Variants in ZNF143 observed in about 807,000 individuals in gnomAD.
The protein encoded by ZNF143 is zinc finger protein 143, also known as SPH-binding factor.
ZNF143 carries 49 observed loss-of-function variants against 74.1 expected under a neutral mutation model. That is an observed-to-expected ratio of 0.66 (90% CI 0.53 to 0.84). The LOEUF (loss-of-function observed/expected upper bound fraction) is 0.84, where lower values mean the gene tolerates loss of function less well. Among genes scored for constraint, ZNF143 ranks in the 40% least tolerant of loss-of-function variants. The pLI, the probability that ZNF143 is intolerant of heterozygous loss-of-function variation, is 0.00. For missense variants in ZNF143, 637 were observed against 793.4 expected, an observed-to-expected ratio of 0.80 and a Z score of 2.37; for synonymous variants, 304 against 282.8, an observed-to-expected ratio of 1.07 and a Z score of -0.75.
chr11:9,512,358 T>C (rs1848579625), intron 12 of ZNF143, 90 bp from the exon 13 acceptor site: 3 of 1,469,608 alleles, frequency 2.0e-6, no homozygotes, highest in African/African-American at 2.9e-5. Context: ...ACATTTTAAT[T>C]ATGTAATTTT....
chr11:9,504,863 C>T (rs12293911), intron 11 of ZNF143, among the ~76,000 whole-genome samples: 24,792 of 116,548 alleles, frequency 0.21, 6,729 homozygotes, highest in African/African-American at 0.39. Context: ...TTAATAGAGA[C>T]GGGATTTCAC....
At chr11:9,496,757 C>G (rs116946463) in intron 9 of ZNF143, among the ~76,000 whole-genome samples, 1 of 151,768 alleles carries the variant, frequency 6.6e-6, no homozygotes, top group South Asian at 2.1e-4. Context: ...TCATCATGCC[C>G]GGCTCATATT....
At chr11:9,476,594 A>AC (rs1383197332) in intron 5 of ZNF143, among the ~76,000 whole-genome samples, 1 of 150,404 alleles carries the variant, frequency 6.6e-6, no homozygotes, top group African/African-American at 2.4e-5. Context: ...CTGGTCTCAA[A>AC]CTCCTGACCT....
chr11:9,482,715 C>A (rs542535819), intron 7 of ZNF143, among the ~76,000 whole-genome samples: 16 of 149,372 alleles, frequency 1.1e-4, no homozygotes, highest in Non-Finnish European at 1.9e-4. Flanking sequence ...CTCTTCCTTA[C>A]AGACTAGATC....
chr11:9,494,191 G>T (rs111977065), intron 7 of ZNF143, among the ~76,000 whole-genome samples: 8 of 152,238 alleles, frequency 5.3e-5, no homozygotes, highest in African/African-American at 1.9e-4. Flanking sequence ...TAACCTGACC[G>T]ACTCAGGCTG....
chr11:9,473,781 A>C, intron 3 of ZNF143, 160 bp from the exon 4 acceptor site: 2 of 1,544,212 alleles, frequency 1.3e-6, no homozygotes, highest in South Asian at 2.3e-5. Context: ...CTGTAGGATC[A>C]CTGGATGTGT....
chr11:9,486,071 G>A (rs1319226709), intron 7 of ZNF143, among the ~76,000 whole-genome samples: 2 of 150,668 alleles, frequency 1.3e-5, no homozygotes, highest in East Asian at 3.9e-4. Flanking sequence ...TTGACCATGG[G>A]CAAGTTACAT....
At chr11:9,498,740 A>C (rs72854108) in intron 10 of ZNF143, among the ~76,000 whole-genome samples, 2,863 of 152,322 alleles carry the variant, frequency 0.019, 38 homozygotes, top group Non-Finnish European at 0.029. Flanking sequence ...ATACAGCATT[A>C]AGATAATTTA....
At chr11:9,518,769 G>T (rs1431748173) in intron 14 of ZNF143, among the ~76,000 whole-genome samples, 1 of 150,758 alleles carries the variant, frequency 6.6e-6, no homozygotes, top group African/African-American at 2.4e-5. Flanking sequence ...ACAAATTTTT[G>T]TATTAACGGT....
At chr11:9,490,931 C>A (rs1399964558) in intron 7 of ZNF143, among the ~76,000 whole-genome samples, 1 of 152,198 alleles carries the variant, frequency 6.6e-6, no homozygotes, top group Admixed American at 6.5e-5. Context: ...GGGGTTCCCC[C>A]CATGTTTCCC....
chr11:9,483,140 T>G (rs1050874762), intron 7 of ZNF143, among the ~76,000 whole-genome samples: 1 of 150,188 alleles, frequency 6.7e-6, no homozygotes, highest in Non-Finnish European at 1.5e-5. Flanking sequence ...ATTACAGGCA[T>G]GCACCACCAC....
At chr11:9,486,437 A>T (rs1265480844) in intron 7 of ZNF143, among the ~76,000 whole-genome samples, 1 of 45,502 alleles carries the variant, frequency 2.2e-5, no homozygotes. Context: ...TATTATATAT[A>T]TAATATATTA....
intron 15 of ZNF143, among the ~76,000 whole-genome samples, chr11:9,525,810 C>CT (rs1849105472): frequency 6.6e-6 from 1 of 152,190 alleles, no homozygotes; most frequent in African/African-American, 2.4e-5. Flanking sequence ...TGTCAGAAGA[C>CT]TTAGAAGGAA....
At chr11:9,521,175 A>T (rs1196372137) in intron 14 of ZNF143, among the ~76,000 whole-genome samples, 2 of 152,332 alleles carry the variant, frequency 1.3e-5, no homozygotes, top group East Asian at 3.9e-4. Context: ...CATCATTTAC[A>T]TCAGGATTCA....
In ZNF143 at chr11:9,475,910, A is replaced by ATATGTGTGTG. The variant is rs370474107; in HGVS notation, c.373+1278_373+1279insATGTGTGTGT. On this transcript the variant is annotated intron_variant, in intron 5 of 15. Transcript: ENST00000396602. ...GAGACCCTGTCTCAAAAAAATATATATGTGTGTGTGTGTGTGTGTGTGTGT... is the reference window on the plus strand; with the variant it reads ...GAGACCCTGTCTCAAAAAAATATATATATGTGTGTGTGTGTGTGTGTGTGTGTGTGTGTGT... 6.2e-3 allele frequency among the ~76,000 whole-genome samples: 855 copies of ATATGTGTGTG among 137,330 alleles called. 11 individuals are homozygous for ATATGTGTGTG. The highest frequency in any genetic ancestry group is 0.022 in the African/African-American group (797 of 36,224). 90.1% of individuals were successfully genotyped at this position (137,330 alleles called of 152,430 possible).
intron 5 of ZNF143, among the ~76,000 whole-genome samples, chr11:9,476,571 C>T (rs1453081405): frequency 1.3e-5 from 2 of 151,410 alleles, no homozygotes; most frequent in Admixed American, 6.6e-5. Context: ...GGGGTTTCAC[C>T]ATGTTGGTCA....
At position 9,483,445 on chromosome 11, in the gene ZNF143, T is replaced by C. The variant is rs560720644; in HGVS notation, c.645+3899T>C. Among the ~76,000 whole-genome samples the C allele has an allele frequency of 4.0e-5, 6 of 149,886 alleles. 1 individual carries two copies. Among genetic ancestry groups the C allele is most frequent in the African/African-American group, 1.3e-4 (5 of 39,908 alleles). ...CCGAGTAGCTGAGACTGCAGGCACA[T>C]GCCACCGTGCCTGTCTAATTTTTTG... On this transcript the variant is annotated intron_variant, in intron 7 of 15. Transcript: ENST00000396602.
chr11:9,497,109 G>A (rs1344016192), intron 9 of ZNF143, among the ~76,000 whole-genome samples: 1 of 152,190 alleles, frequency 6.6e-6, no homozygotes, highest in Non-Finnish European at 1.5e-5. Flanking sequence ...TTGAGCTCTT[G>A]GGGTATGAGA....
chr11:9,519,723 T>G (rs1848844744), intron 14 of ZNF143, among the ~76,000 whole-genome samples: 1 of 152,200 alleles, frequency 6.6e-6, no homozygotes, highest in African/African-American at 2.4e-5. Context: ...CTCTCATTTG[T>G]CTTGGATAAA....
Sources: gnomAD v4.1 joint callset for allele counts (sites outside exome capture counted in the v4.1 genomes callset) on GRCh38, gnomAD v4.1.1 for gene constraint, MANE v1.5 for transcripts, NCBI Gene and HGNC (gene_info 2026-07-23, HGNC 2026-07-21) for gene names.